Variants in KHDRBS2 observed in about 807,000 individuals in gnomAD.
KHDRBS2 encodes the protein KH domain-containing, RNA-binding, signal transduction-associated protein 2.
Under a neutral mutation model 44.3 loss-of-function variants are expected in KHDRBS2, and 26 were observed. The observed-to-expected ratio is 0.59, with a 90% CI of 0.43 to 0.81. The LOEUF is 0.81. Among genes scored for constraint, KHDRBS2 ranks in the 40% least tolerant of loss-of-function variants. The probability of loss-of-function intolerance (pLI) is 0.00; values close to 1 mark genes in which losing one functional copy is unlikely to be tolerated. For missense variants in KHDRBS2, 476 were observed against 433.1 expected, an observed-to-expected ratio of 1.10 and a Z score of -0.88; for synonymous variants, 194 against 151.1, an observed-to-expected ratio of 1.28 and a Z score of -2.08.
intron 3 of KHDRBS2, among the ~76,000 whole-genome samples, chr6:62,043,982 A>T (rs1460521109): frequency 6.6e-6 from 1 of 152,098 alleles, no homozygotes; most frequent in African/African-American, 2.4e-5. Flanking sequence ...TTAATTAAGT[A>T]TCAAGCTTTG....
chr6:62,183,814 T>A (rs1822861903), intron 1 of KHDRBS2, among the ~76,000 whole-genome samples: 1 of 151,746 alleles, frequency 6.6e-6, no homozygotes, highest in Non-Finnish European at 1.5e-5. Context: ...TTTGCTCATC[T>A]ATGATCAAAA....
At chr6:62,002,188 TA>T (rs11324540) in intron 3 of KHDRBS2, among the ~76,000 whole-genome samples, 83,676 of 150,256 alleles carry the variant, frequency 0.56, 23,816 homozygotes, top group Non-Finnish European at 0.62. Context: ...CCACAGTGAT[TA>T]AAAAAAAAAA....
At chr6:62,095,418 C>A (rs1453246413) in intron 2 of KHDRBS2, among the ~76,000 whole-genome samples, 3 of 151,760 alleles carry the variant, frequency 2.0e-5, no homozygotes, top group Non-Finnish European at 1.5e-5. Context: ...TGTACCTTTT[C>A]TATGTTTAGA....
chr6:62,030,542 T>A (rs1784165190), intron 3 of KHDRBS2, among the ~76,000 whole-genome samples: 2 of 152,144 alleles, frequency 1.3e-5, no homozygotes, highest in Middle Eastern at 3.4e-3. Flanking sequence ...AAAAAAAATA[T>A]TTTCCAAATC....
At chr6:61,997,165 ACT>A (rs1463902763) in intron 3 of KHDRBS2, among the ~76,000 whole-genome samples, 1 of 152,126 alleles carries the variant, frequency 6.6e-6, no homozygotes, top group Non-Finnish European at 1.5e-5. Flanking sequence ...ACCATCCTGG[ACT>A]CTCTAATTCT....
intron 6 of KHDRBS2, among the ~76,000 whole-genome samples, chr6:61,798,983 T>A (rs1785818987): frequency 6.6e-6 from 1 of 152,038 alleles, no homozygotes; most frequent in African/African-American, 2.4e-5. Context: ...ATTTTGTAGA[T>A]ATTTGATATC....
chr6:61,834,563 T>C (rs1183376245), intron 6 of KHDRBS2, among the ~76,000 whole-genome samples: 2 of 152,056 alleles, frequency 1.3e-5, no homozygotes, highest in Admixed American at 6.6e-5. Flanking sequence ...TGTTTGCATT[T>C]TTTACATTTG....
intron 4 of KHDRBS2, among the ~76,000 whole-genome samples, chr6:61,956,003 G>A (rs1331924871): frequency 1.3e-5 from 2 of 151,958 alleles, no homozygotes; most frequent in Non-Finnish European, 2.9e-5. Flanking sequence ...GATCATCCTG[G>A]CCAACATGGT....
chr6:61,626,849 G>C, the KHDRBS2 span, among the ~76,000 whole-genome samples: 969 of 152,036 alleles, frequency 6.4e-3, 9 homozygotes, highest in African/African-American at 0.022. Flanking sequence ...CACATCTCTA[G>C]TCTTCATTTC....
the KHDRBS2 span, among the ~76,000 whole-genome samples, chr6:61,566,932 C>A: frequency 6.6e-6 from 1 of 152,050 alleles, no homozygotes; most frequent in Admixed American, 6.5e-5. Context: ...AAGACTAATG[C>A]AATAGGGAAG....
At chr6:61,626,460 C>T in the KHDRBS2 span, among the ~76,000 whole-genome samples, 1 of 152,166 alleles carries the variant, frequency 6.6e-6, no homozygotes, top group Non-Finnish European at 1.5e-5. Context: ...GCAGAAAATA[C>T]AGTGAGCATT....
chr6:62,060,734 C>T (rs571720708), intron 2 of KHDRBS2, among the ~76,000 whole-genome samples: 43 of 151,740 alleles, frequency 2.8e-4, no homozygotes, highest in African/African-American at 1.0e-3. Flanking sequence ...AAAAATCCCA[C>T]TTGGCATTGC....
chr6:62,078,492 T>A (rs571321989), intron 2 of KHDRBS2, among the ~76,000 whole-genome samples: 2 of 152,108 alleles, frequency 1.3e-5, no homozygotes, highest in East Asian at 1.9e-4. Flanking sequence ...AAGGGAATAA[T>A]TTTTATGACT....
chr6:61,756,320 G>A (rs1778476951), intron 6 of KHDRBS2, among the ~76,000 whole-genome samples: 1 of 151,696 alleles, frequency 6.6e-6, no homozygotes, highest in African/African-American at 2.4e-5. Flanking sequence ...ACAGTGGCAC[G>A]ATCTTGGCTC....
intron 6 of KHDRBS2, among the ~76,000 whole-genome samples, chr6:61,887,165 T>C (rs1475221840): frequency 1.3e-5 from 2 of 151,862 alleles, no homozygotes; most frequent in African/African-American, 4.8e-5. Context: ...TCAGTTTCTT[T>C]ACCTACTAAA....
the KHDRBS2 span, among the ~76,000 whole-genome samples, chr6:61,566,063 T>A: frequency 7.3e-5 from 11 of 151,658 alleles, no homozygotes; most frequent in Non-Finnish European, 1.6e-4. Flanking sequence ...TATGCAGCCA[T>A]ACAAAAAAAA....
In KHDRBS2 at chr6:61,901,363, A is replaced by G. The variant is rs1462547418; in HGVS notation, c.492T>C (p.Asn164=). 2 of 1,612,260 alleles carry G rather than the reference A, an allele frequency of 1.2e-6. No individual in the cohort carries two copies. Among genetic ancestry groups the G allele is most frequent in the African/African-American group, 1.3e-5 (1 of 74,720 alleles). ...EIKKFLVPDY[N]DEIRQEQLRE... is the part of the protein sequence containing the mutation. ...GTAGTTGTTCCTGACGAATTTCATCATTGTAGTCCTGGAGAAAAAACATGA... is the reference window on the plus strand; with the variant it reads ...GTAGTTGTTCCTGACGAATTTCATCGTTGTAGTCCTGGAGAAAAAACATGA... Residue 164 remains asparagine (N), a synonymous_variant, in exon 5 of 9, where the codon AAT becomes AAC. Transcript: ENST00000281156.
intron 6 of KHDRBS2, among the ~76,000 whole-genome samples, chr6:61,869,548 A>G (rs1357336113): frequency 6.6e-6 from 1 of 152,186 alleles, no homozygotes; most frequent in Non-Finnish European, 1.5e-5. Flanking sequence ...TGATGAAATA[A>G]GAAAATAGAG....
chr6:61,561,936 TG>T, the KHDRBS2 span, among the ~76,000 whole-genome samples: 1 of 152,178 alleles, frequency 6.6e-6, no homozygotes, highest in Non-Finnish European at 1.5e-5. Flanking sequence ...TCACTTCTTT[TG>T]CCAAAACAAT....
Sources: allele counts gnomAD v4.1 joint callset (sites outside exome capture counted in the v4.1 genomes callset), GRCh38; gene constraint gnomAD v4.1.1; transcripts MANE v1.5; gene names NCBI Gene and HGNC (gene_info 2026-07-23, HGNC 2026-07-21).